PPA2: variants seen among roughly 807,000 people sequenced by gnomAD.
PPA2 encodes the protein inorganic pyrophosphatase 2.
A neutral mutation model predicts 49.5 loss-of-function variants in PPA2; 48 were observed. That is an observed-to-expected ratio of 0.97 (90% CI 0.77 to 1.23). PPA2 has a LOEUF of 1.23. Ranked by LOEUF, PPA2 falls within the 50% of genes most tolerant of loss-of-function variation. PPA2 has a pLI of 0.00. For missense variants in PPA2, 429 were observed against 410.1 expected, an observed-to-expected ratio of 1.05 and a Z score of -0.40; for synonymous variants, 131 against 139.9, an observed-to-expected ratio of 0.94 and a Z score of 0.45.
chr4:105,438,044 T>A lies in PPA2; in HGVS notation c.442-8A>T. On this transcript the variant is annotated splice_polypyrimidine_tract_variant and splice_region_variant and intron_variant, in intron 5 of 11. Transcript: ENST00000341695. ...ATGGGGATCTTCCCAAGTCTAAAATTTTTTTTTTAAAAAAAAGCAGAAATG... is the reference window on the plus strand; with the variant it reads ...ATGGGGATCTTCCCAAGTCTAAAATATTTTTTTTAAAAAAAAGCAGAAATG... The A allele has an allele frequency of 6.3e-7, 1 of 1,578,678 alleles. No individual in the cohort carries two copies. The highest frequency in any genetic ancestry group is 8.6e-7 in the Non-Finnish European group (1 of 1,163,462).
chr4:105,388,274 T>G (rs1015746994), intron 9 of PPA2, among the ~76,000 whole-genome samples: 2 of 152,128 alleles, frequency 1.3e-5, no homozygotes. Flanking sequence ...GTCCTGTATT[T>G]TTCATCTGTT....
At chr4:105,375,532 T>C (rs1560602226) in intron 10 of PPA2, among the ~76,000 whole-genome samples, 1 of 152,118 alleles carries the variant, frequency 6.6e-6, no homozygotes, top group African/African-American at 2.4e-5. Context: ...TAAAAGAAAA[T>C]GCAGTCCTCT....
At chr4:105,425,368 T>C (rs1023856077) in intron 6 of PPA2, among the ~76,000 whole-genome samples, 3 of 151,026 alleles carry the variant, frequency 2.0e-5, no homozygotes, top group Non-Finnish European at 4.4e-5. Flanking sequence ...AAGAGAGAAA[T>C]AGAAAACAAA....
intron 3 of PPA2, among the ~76,000 whole-genome samples, chr4:105,450,329 T>A (rs1037719206): frequency 6.6e-6 from 1 of 152,102 alleles, no homozygotes; most frequent in African/African-American, 2.4e-5. Context: ...AATTTTTATA[T>A]CTGTTAAATC....
intron 7 of PPA2, among the ~76,000 whole-genome samples, chr4:105,412,743 T>G (rs1722821141): frequency 6.6e-6 from 1 of 152,224 alleles, no homozygotes; most frequent in African/African-American, 2.4e-5. Flanking sequence ...TGCTCATCAT[T>G]ACTGGTCATC....
chr4:105,410,939 G>A (rs1042485637), intron 7 of PPA2, among the ~76,000 whole-genome samples: 18 of 152,108 alleles, frequency 1.2e-4, no homozygotes, highest in East Asian at 5.8e-4. Context: ...AGGAATAACC[G>A]GTACCAGCCA....
intron 5 of PPA2, among the ~76,000 whole-genome samples, chr4:105,446,023 TATGA>T (rs1722365393): frequency 6.6e-6 from 1 of 152,156 alleles, no homozygotes; most frequent in African/African-American, 2.4e-5. Flanking sequence ...TGCTATCATA[TATGA>T]ATGTGTATAA....
intron 6 of PPA2, among the ~76,000 whole-genome samples, chr4:105,432,301 T>C (rs552303909): frequency 6.6e-6 from 1 of 152,336 alleles, no homozygotes; most frequent in South Asian, 2.1e-4. Context: ...TTTTTGTGTT[T>C]AACTACAAAA....
intron 1 of PPA2, among the ~76,000 whole-genome samples, chr4:105,461,219 G>A (rs1723077016): frequency 6.6e-6 from 1 of 152,106 alleles, no homozygotes; most frequent in Non-Finnish European, 1.5e-5. Flanking sequence ...TCTCATAAAG[G>A]GCTGCAACCT....
intron 3 of PPA2, among the ~76,000 whole-genome samples, chr4:105,452,474 C>T (rs190266781): frequency 1.1e-4 from 16 of 152,260 alleles, no homozygotes; most frequent in Admixed American, 9.2e-4. Flanking sequence ...GAGAATCTGA[C>T]TTAGTAAATA....
intron 7 of PPA2, among the ~76,000 whole-genome samples, chr4:105,412,035 A>G (rs999801722): frequency 1.3e-5 from 2 of 152,208 alleles, no homozygotes; most frequent in African/African-American, 4.8e-5. Context: ...TTATAGATTC[A>G]GTGACATGCC....
chr4:105,470,501 C>G (rs1375006874), intron 1 of PPA2, among the ~76,000 whole-genome samples: 2 of 151,822 alleles, frequency 1.3e-5, no homozygotes, highest in Non-Finnish European at 2.9e-5. Flanking sequence ...AACAAACAAA[C>G]CAAAAAAATA....
intron 9 of PPA2, among the ~76,000 whole-genome samples, chr4:105,387,953 G>A (rs1578804218): frequency 1.3e-5 from 2 of 150,706 alleles, no homozygotes; most frequent in East Asian, 1.9e-4. Flanking sequence ...AAGAAACTAC[G>A]ATATACAAAG....
Position 105,386,595 on chromosome 4 carries a change from T to G in PPA2, c.911A>C (p.Gln304Pro), listed in dbSNP as rs1348972763. 1.2e-6 allele frequency: 2 copies of G among 1,612,694 alleles called. No homozygotes were observed. The highest frequency in any genetic ancestry group is 4.5e-5 in the East Asian group (2 of 44,760). The change falls in exon 10 of 12, where the codon CAA (glutamine) becomes CCA (proline). Residue 304 changes from glutamine (Q) to proline (P), a missense_variant. Gln to Pro is a moderately conservative substitution (Grantham distance 76). Transcript: ENST00000341695. ...QISDSPFRCT[Q>P]EEARSLVESV... is the part of the protein sequence containing the mutation. ...TTCAACTAATGATCTTGCTTCCTCTTGAGTGCAACGGAAAGGGCTATCAGA... is the reference window on the plus strand; with the variant it reads ...TTCAACTAATGATCTTGCTTCCTCTGGAGTGCAACGGAAAGGGCTATCAGA...
chr4:105,396,512 T>C (rs1396908400), intron 8 of PPA2, among the ~76,000 whole-genome samples, 178 bp from the exon 9 acceptor site: 2 of 152,198 alleles, frequency 1.3e-5, no homozygotes, highest in Non-Finnish European at 2.9e-5. Context: ...TTGGGCAGGT[T>C]ACTTAAGCTT....
At chr4:105,385,879 ATTT>A (rs57267137) in intron 10 of PPA2, among the ~76,000 whole-genome samples, 4 of 131,040 alleles carry the variant, frequency 3.1e-5, no homozygotes, top group Admixed American at 8.1e-5. Flanking sequence ...TTTATTTTCA[ATTT>A]TTTTTTTTTT....
chr4:105,473,582 G>T (rs1172384156), intron 1 of PPA2: 1 of 572,188 alleles, frequency 1.7e-6, no homozygotes, highest in African/African-American at 1.9e-5. Flanking sequence ...GCCGCGGGGT[G>T]GCCGCTTGCA....
intron 7 of PPA2, among the ~76,000 whole-genome samples, chr4:105,411,041 C>T (rs1239958580): frequency 6.6e-6 from 1 of 152,150 alleles, no homozygotes; most frequent in African/African-American, 2.4e-5. Context: ...ATTATAACGA[C>T]AGGACTAAAT....
intron 3 of PPA2, among the ~76,000 whole-genome samples, chr4:105,451,928 T>C (rs1722696124): frequency 6.6e-6 from 1 of 152,162 alleles, no homozygotes; most frequent in Non-Finnish European, 1.5e-5. Context: ...ATGTTAATTA[T>C]AAACCAACAA....
Sources: gnomAD v4.1 joint callset for allele counts (sites outside exome capture counted in the v4.1 genomes callset) on GRCh38, gnomAD v4.1.1 for gene constraint, MANE v1.5 for transcripts, NCBI Gene and HGNC (gene_info 2026-07-23, HGNC 2026-07-21) for gene names.